The following LOXL2 variants were observed in gnomAD, a reference collection of about 807,000 sequenced individuals.
LOXL2 encodes lysyl oxidase like 2.
Under a neutral mutation model 93.0 loss-of-function variants are expected in LOXL2, and 70 were observed. The observed-to-expected ratio is 0.75, with a 90% CI of 0.62 to 0.92. LOXL2 has a LOEUF of 0.92. LOXL2 is among the 40% of genes least tolerant of loss of function. LOXL2 has a pLI of 0.00. For missense variants in LOXL2, 973 were observed against 1,054.9 expected (o/e 0.92, Z 1.08); for synonymous variants, 438 against 413.2 (o/e 1.06, Z -0.73).
intron 9 of LOXL2, among the ~76,000 whole-genome samples, chr8:23,316,474 G>C (rs1486564096): frequency 6.6e-6 from 1 of 152,148 alleles, no homozygotes. Context: ...GGGTCATCCT[G>C]AATCCTGGCT....
At chr8:23,354,952 T>A (rs75414780) in intron 3 of LOXL2, among the ~76,000 whole-genome samples, 7,249 of 28,466 alleles carry the variant, frequency 0.25, 574 homozygotes, top group African/African-American at 0.39. Context: ...TATATATATT[T>A]TTTTTTTTTT....
intron 1 of LOXL2, among the ~76,000 whole-genome samples, chr8:23,370,144 C>T (rs1585374982): frequency 2.0e-5 from 3 of 152,242 alleles, no homozygotes; most frequent in East Asian, 3.9e-4. Flanking sequence ...GTTCCCACGA[C>T]GGTGTCTCCC....
intron 10 of LOXL2, among the ~76,000 whole-genome samples, chr8:23,309,124 A>G (rs903859771): frequency 1.3e-5 from 2 of 151,806 alleles, no homozygotes; most frequent in East Asian, 1.9e-4. Context: ...AGCTGAGGCT[A>G]TAGGCATCCA....
chr8:23,341,887 G>A (rs1245485028), intron 3 of LOXL2, among the ~76,000 whole-genome samples: 3 of 152,224 alleles, frequency 2.0e-5, no homozygotes, highest in African/African-American at 7.2e-5. Context: ...GGGAGGTAGG[G>A]TTGGGGACAA....
chr8:23,319,534 A>T (rs951980225), intron 8 of LOXL2, among the ~76,000 whole-genome samples: 2 of 152,158 alleles, frequency 1.3e-5, no homozygotes, highest in Non-Finnish European at 1.5e-5. Flanking sequence ...TCCCCGAAGG[A>T]CTGAGTTGGT....
At position 23,334,777 on chromosome 8, in the gene LOXL2, A is replaced by AATAGTG. The variant is rs55944264; in HGVS notation, c.744-1155_744-1154insCACTAT. Among the ~76,000 whole-genome samples, 5 of 151,008 alleles carry AATAGTG rather than the reference A, an allele frequency of 3.3e-5. No individual in the cohort carries two copies. The East Asian group carries it at 9.7e-4, about 29-fold the overall frequency. ...TCTCATGTCCAAAATCAGAAGTAGTATCTGCTTCACTAGATTATTGTGACA... is the reference window on the plus strand; with the variant it reads ...TCTCATGTCCAAAATCAGAAGTAGTAATAGTGTCTGCTTCACTAGATTATTGTGACA... On this transcript the variant is annotated intron_variant, in intron 4 of 13. Coordinates refer to ENST00000389131, the MANE Select transcript of LOXL2 (RefSeq NM_002318.3).
chr8:23,388,631 A>T (rs1374682679), intron 1 of LOXL2, among the ~76,000 whole-genome samples: 1 of 20,524 alleles, frequency 4.9e-5, no homozygotes, highest in African/African-American at 1.6e-4. Context: ...ACTCACACAC[A>T]CACACACACA....
At chr8:23,373,734 G>C (rs1385954439) in intron 1 of LOXL2, among the ~76,000 whole-genome samples, 1 of 152,118 alleles carries the variant, frequency 6.6e-6, no homozygotes, top group Non-Finnish European at 1.5e-5. Flanking sequence ...TTGATAACTT[G>C]CCTAAAGTTG....
chr8:23,315,529 T>G (rs1803380898), intron 9 of LOXL2, among the ~76,000 whole-genome samples: 1 of 152,186 alleles, frequency 6.6e-6, no homozygotes, highest in South Asian at 2.1e-4. Flanking sequence ...TCTGACGGCA[T>G]GGCTCATCTC....
At chr8:23,400,306 CA>C in intron 1 of LOXL2, among the ~76,000 whole-genome samples, 1 of 152,116 alleles carries the variant, frequency 6.6e-6, no homozygotes, top group East Asian at 1.9e-4. Flanking sequence ...GGGGAGGCCT[CA>C]CAATCATGGC....
intron 8 of LOXL2, among the ~76,000 whole-genome samples, chr8:23,317,611 C>G (rs950684314): frequency 6.6e-6 from 1 of 152,138 alleles, no homozygotes; most frequent in Non-Finnish European, 1.5e-5. Context: ...GTTATAAAGA[C>G]GAACTTCTGA....
intron 4 of LOXL2, among the ~76,000 whole-genome samples, chr8:23,334,340 G>A (rs1160597287): frequency 1.3e-5 from 2 of 152,188 alleles, no homozygotes; most frequent in African/African-American, 4.8e-5. Context: ...TGCCCAGCCT[G>A]TTGTCATTCT....
chr8:23,388,616 A>C (rs1166092534), intron 1 of LOXL2, among the ~76,000 whole-genome samples: 1 of 123,022 alleles, frequency 8.1e-6, no homozygotes, highest in Non-Finnish European at 1.7e-5. Flanking sequence ...AAAAGCAAAA[A>C]ATATACTCAC....
At chr8:23,342,201 G>A (rs557461537) in intron 3 of LOXL2, among the ~76,000 whole-genome samples, 2 of 152,050 alleles carry the variant, frequency 1.3e-5, no homozygotes, top group African/African-American at 2.4e-5. Context: ...GGCAGGAGAG[G>A]GGGCCTCAAG....
chr8:23,348,381 C>T (rs534854179), intron 3 of LOXL2, among the ~76,000 whole-genome samples: 3 of 151,708 alleles, frequency 2.0e-5, no homozygotes, highest in South Asian at 2.1e-4. Flanking sequence ...ATTGTGCACA[C>T]GTACCCTAGA....
chr8:23,400,113 C>T (rs1440968032), intron 1 of LOXL2, among the ~76,000 whole-genome samples: 1 of 152,172 alleles, frequency 6.6e-6, no homozygotes, highest in Admixed American at 6.5e-5. Flanking sequence ...GTCTCATTAA[C>T]AAGGTGGAGA....
Position 23,404,064 on chromosome 8 carries a change from T to C in LOXL2, c.-194A>G. On this transcript the variant is annotated 5_prime_UTR_variant, in exon 1 of 14. Transcript: ENST00000389131. The stretch of plus-strand genomic sequence containing the variant: ...TCTCGAGCAGAGGGGGCGGCTCTGG[T>C]CTCCGATGGCTGGAGAAAGCAAGCA... 1 of 210,406 alleles carries C rather than the reference T, an allele frequency of 4.8e-6. No homozygotes were observed. The highest frequency in any genetic ancestry group is 1.0e-5 in the Non-Finnish European group (1 of 99,446). 13.0% of individuals were successfully genotyped at this position (210,406 alleles called of 1,614,324 possible).
intron 7 of LOXL2, 106 bp from the exon 8 acceptor site, chr8:23,320,158 C>T: frequency 2.5e-6 from 3 of 1,188,386 alleles, no homozygotes; most frequent in Non-Finnish European, 3.6e-6. Context: ...GGTGGTGCTG[C>T]CCGGGACACA....
intron 10 of LOXL2, among the ~76,000 whole-genome samples, chr8:23,304,463 T>C (rs1407854890): frequency 6.6e-6 from 1 of 152,188 alleles, no homozygotes; most frequent in African/African-American, 2.4e-5. Flanking sequence ...TCTGCAACTA[T>C]TCTATATGCT....
Sources: allele counts gnomAD v4.1 joint callset (sites outside exome capture counted in the v4.1 genomes callset), GRCh38; gene constraint gnomAD v4.1.1; transcripts MANE v1.5; gene names NCBI Gene and HGNC (gene_info 2026-07-23, HGNC 2026-07-21).